Variants in C1orf94 observed in about 807,000 individuals in gnomAD.
C1orf94 encodes uncharacterized protein C1orf94.
Under a neutral mutation model 53.6 loss-of-function variants are expected in C1orf94, and 45 were observed. The ratio of observed to expected loss-of-function variants is 0.84; its 90% confidence interval spans 0.66 to 1.08. The LOEUF is 1.08. Ranked by LOEUF, C1orf94 falls within the 50% of genes least tolerant of loss-of-function variation. The pLI, the probability that C1orf94 is intolerant of heterozygous loss-of-function variation, is 0.00. For missense variants in C1orf94, 762 were observed against 738.9 expected, an observed-to-expected ratio of 1.03 and a Z score of -0.36; for synonymous variants, 304 against 296.1, an observed-to-expected ratio of 1.03 and a Z score of -0.27.
chr1:34,206,232 C>A (rs1642789784), intron 4 of C1orf94, among the ~76,000 whole-genome samples: 1 of 152,186 alleles, frequency 6.6e-6, no homozygotes, highest in African/African-American at 2.4e-5. Context: ...CCAGCTTAAG[C>A]CCTCTGCTGT....
chr1:34,168,333 T>C (rs917853985), intron 1 of C1orf94, among the ~76,000 whole-genome samples: 1 of 151,844 alleles, frequency 6.6e-6, no homozygotes, highest in African/African-American at 2.4e-5. Flanking sequence ...AAGGCAGCCA[T>C]GCAAAGTTGG....
intron 2 of C1orf94, 58 bp from the exon 3 acceptor site, chr1:34,200,714 T>G: frequency 6.3e-7 from 1 of 1,599,154 alleles, no homozygotes; most frequent in Non-Finnish European, 8.5e-7. Context: ...AAAAGGTGCT[T>G]CCAGCATCCA....
At chr1:34,179,213 G>A (rs1224090550) in intron 1 of C1orf94, among the ~76,000 whole-genome samples, 2 of 152,224 alleles carry the variant, frequency 1.3e-5, no homozygotes, top group African/African-American at 4.8e-5. Context: ...AAGGTGGAAG[G>A]CACTTTGGCT....
intron 6 of C1orf94, among the ~76,000 whole-genome samples, chr1:34,214,961 G>A (rs538188808): frequency 3.4e-4 from 52 of 152,200 alleles, no homozygotes; most frequent in Non-Finnish European, 4.9e-4. Context: ...TATTGATCCA[G>A]CACCTTGTAT....
intron 1 of C1orf94, among the ~76,000 whole-genome samples, chr1:34,185,299 C>A (rs1331060279): frequency 1.3e-5 from 2 of 152,176 alleles, no homozygotes; most frequent in East Asian, 3.8e-4. Flanking sequence ...CCTGCCTCAG[C>A]CTCCCAAGTA....
intron 1 of C1orf94, 60 bp downstream of exon 1, chr1:34,178,169 T>A: frequency 6.7e-7 from 1 of 1,489,606 alleles, no homozygotes; most frequent in Non-Finnish European, 9.0e-7. Context: ...AGTCTGACCT[T>A]CTGGGGGAAT....
At chr1:34,175,204 T>A (rs890044824), upstream of C1orf94, among the ~76,000 whole-genome samples, 8 of 151,530 alleles carry the variant, frequency 5.3e-5, no homozygotes, top group African/African-American at 1.7e-4. Flanking sequence ...TTTTTTTTTT[T>A]TTTTTTGCAG....
At chr1:34,169,317 C>T (rs1173492916) in intron 1 of C1orf94, among the ~76,000 whole-genome samples, 3 of 152,110 alleles carry the variant, frequency 2.0e-5, no homozygotes, top group Non-Finnish European at 4.4e-5. Context: ...CAGCCCAGCC[C>T]CAAGTGCTGG....
chr1:34,179,259 G>A (rs1416912514), intron 1 of C1orf94, among the ~76,000 whole-genome samples: 2 of 152,256 alleles, frequency 1.3e-5, no homozygotes, highest in Admixed American at 6.5e-5. Flanking sequence ...AGCATGACAA[G>A]GCTCAGACAG....
chr1:34,177,478 T>C lies in C1orf94; in HGVS notation c.-312T>C, dbSNP rs957855666. ...GAGCCAGCCCTCCCCTTCCAGCTGT[T>C]CCCAGATGTCATTCTGCCCGCCCAG... On this transcript the variant is annotated 5_prime_UTR_variant, in exon 1 of 7. Coordinates refer to ENST00000488417, the MANE Select transcript of C1orf94 (RefSeq NM_001134734.2). Among the ~76,000 whole-genome samples, 1 of 152,086 alleles carries C rather than the reference T, an allele frequency of 6.6e-6. No homozygotes were observed. Among genetic ancestry groups the C allele is most frequent in the African/African-American group, 2.4e-5 (1 of 41,414 alleles).
intron 5 of C1orf94, 104 bp from the exon 6 acceptor site, chr1:34,212,106 G>A (rs1557490468): frequency 9.9e-7 from 1 of 1,012,288 alleles, no homozygotes; most frequent in Non-Finnish European, 1.4e-6. Flanking sequence ...TGTGTACCCA[G>A]CAGTGACTGA....
At chr1:34,214,089 T>G (rs964182988) in intron 6 of C1orf94, among the ~76,000 whole-genome samples, 1 of 152,224 alleles carries the variant, frequency 6.6e-6, no homozygotes, top group African/African-American at 2.4e-5. Flanking sequence ...AGATGAAATG[T>G]GGGCACAACA....
chr1:34,182,317 G>A (rs1642322076), intron 1 of C1orf94, among the ~76,000 whole-genome samples: 1 of 152,228 alleles, frequency 6.6e-6, no homozygotes. Context: ...GTATAACAGA[G>A]ACAGGCAGGC....
chr1:34,169,117 C>CT (rs11447234), intron 1 of C1orf94, among the ~76,000 whole-genome samples: 38,393 of 151,982 alleles, frequency 0.25, 5,032 homozygotes, highest in Admixed American at 0.34. Context: ...GACATATACT[C>CT]TAACTTCTCT....
intron 2 of C1orf94, among the ~76,000 whole-genome samples, chr1:34,199,121 G>A (rs992535243): frequency 1.4e-4 from 21 of 151,958 alleles, no homozygotes; most frequent in African/African-American, 2.7e-4. Flanking sequence ...GTGTGTCTAA[G>A]CATGTCTGTG....
chr1:34,180,673 A>G (rs375101388), intron 1 of C1orf94, among the ~76,000 whole-genome samples: 8 of 152,360 alleles, frequency 5.3e-5, no homozygotes, highest in African/African-American at 1.7e-4. Context: ...ATACTGAATG[A>G]TCACACACAG....
intron 6 of C1orf94, among the ~76,000 whole-genome samples, chr1:34,217,552 T>C (rs1023324): frequency 0.66 from 100,788 of 151,976 alleles, 33,865 homozygotes; most frequent in East Asian, 0.78. Flanking sequence ...GGGACCCACA[T>C]TGTGTCAGGC....
upstream of C1orf94, among the ~76,000 whole-genome samples, chr1:34,175,183 G>A (rs999492139): frequency 1.6e-4 from 18 of 110,154 alleles, no homozygotes; most frequent in African/African-American, 6.8e-4. Flanking sequence ...TATCCCTGCT[G>A]TATTTGATTT....
intron 1 of C1orf94, among the ~76,000 whole-genome samples, chr1:34,189,122 G>A (rs919148652): frequency 1.4e-4 from 22 of 151,900 alleles, no homozygotes; most frequent in Non-Finnish European, 2.5e-4. Flanking sequence ...GTGTGTTCAT[G>A]TGTGCAGGAT....
Sources: allele counts gnomAD v4.1 joint callset (sites outside exome capture counted in the v4.1 genomes callset), GRCh38; gene constraint gnomAD v4.1.1; transcripts MANE v1.5; gene names NCBI Gene and HGNC (gene_info 2026-07-23, HGNC 2026-07-21).